Variants in SPOCK3 observed in about 807,000 individuals in gnomAD.
The protein encoded by SPOCK3 is SPARC (osteonectin), cwcv and kazal like domains proteoglycan 3, also known as testican-3.
A neutral mutation model predicts 56.6 loss-of-function variants in SPOCK3; 30 were observed. That is an observed-to-expected ratio of 0.53 (90% CI 0.40 to 0.72). The LOEUF is 0.72. Ranked by LOEUF, SPOCK3 falls within the 30% of genes least tolerant of loss-of-function variation. The pLI, the probability that SPOCK3 is intolerant of heterozygous loss-of-function variation, is 0.00. For missense variants in SPOCK3, 527 were observed against 530.0 expected, an observed-to-expected ratio of 0.99 and a Z score of 0.06; for synonymous variants, 196 against 183.3, an observed-to-expected ratio of 1.07 and a Z score of -0.56.
chr4:166,765,862 T>C (rs1292488252), intron 7 of SPOCK3, among the ~76,000 whole-genome samples: 2 of 152,236 alleles, frequency 1.3e-5, no homozygotes, highest in East Asian at 1.9e-4. Context: ...TTTTATTTTG[T>C]TGAGCAGTGG....
chr4:166,987,819 G>C (rs535819954), intron 4 of SPOCK3, among the ~76,000 whole-genome samples: 2 of 152,100 alleles, frequency 1.3e-5, no homozygotes, highest in Non-Finnish European at 2.9e-5. Context: ...TTTATAATGT[G>C]TGGTAGGTGG....
At chr4:167,097,705 C>G (rs1162895811) in intron 2 of SPOCK3, among the ~76,000 whole-genome samples, 7 of 151,440 alleles carry the variant, frequency 4.6e-5, no homozygotes, top group African/African-American at 1.7e-4. Context: ...GGGTATATAC[C>G]CAAAAGAAAA....
chr4:166,916,669 A>C (rs1225456786), intron 4 of SPOCK3, among the ~76,000 whole-genome samples: 1 of 151,982 alleles, frequency 6.6e-6, no homozygotes, highest in African/African-American at 2.4e-5. Flanking sequence ...ACCACAAAAA[A>C]CCCTCTCATT....
chr4:167,073,897 T>C (rs1414311065), intron 2 of SPOCK3, among the ~76,000 whole-genome samples: 1 of 151,872 alleles, frequency 6.6e-6, no homozygotes, highest in Non-Finnish European at 1.5e-5. Context: ...TATTATCTCT[T>C]TAAAATTATA....
At chr4:166,948,794 C>T (rs1022200330) in intron 4 of SPOCK3, among the ~76,000 whole-genome samples, 2 of 152,050 alleles carry the variant, frequency 1.3e-5, no homozygotes, top group South Asian at 4.1e-4. Context: ...TTCATTTCAA[C>T]TTTGGTGAAT....
At chr4:167,222,505 GAATATAT>G (rs1209750139) in intron 2 of SPOCK3, among the ~76,000 whole-genome samples, 2 of 135,818 alleles carry the variant, frequency 1.5e-5, no homozygotes, top group African/African-American at 2.7e-5. Flanking sequence ...ATGAATATAT[GAATATAT>G]AATATATAAC....
In SPOCK3 at chr4:167,057,353, C is replaced by T. The variant is rs558890149; in HGVS notation, c.235+5139G>A. 4.8e-3 allele frequency among the ~76,000 whole-genome samples: 736 copies of T among 152,226 alleles called. 8 individuals carry two copies. The highest frequency in any genetic ancestry group is 0.017 in the African/African-American group (687 of 41,518). On this transcript the variant is annotated intron_variant, in intron 3 of 10. Coordinates refer to ENST00000357545, the MANE Select transcript of SPOCK3 (RefSeq NM_001040159.2). The stretch of plus-strand genomic sequence containing the variant: ...AATCATGCCAAATTGTAAAGACCAT[C>T]GAGGCTAGGAAGAAACTGCATCAAC...
intron 2 of SPOCK3, among the ~76,000 whole-genome samples, chr4:167,131,883 G>GA (rs1468234551): frequency 6.6e-6 from 1 of 152,076 alleles, no homozygotes; most frequent in African/African-American, 2.4e-5. Context: ...CAAAACCTAA[G>GA]AAAAATCTGT....
At chr4:167,125,020 T>G (rs894248487) in intron 2 of SPOCK3, among the ~76,000 whole-genome samples, 15 of 152,130 alleles carry the variant, frequency 9.9e-5, no homozygotes, top group Admixed American at 5.2e-4. Context: ...TAGTGAAGTC[T>G]TTTCTTGTCA....
chr4:167,229,528 A>G (rs1561348807), intron 2 of SPOCK3, among the ~76,000 whole-genome samples: 1 of 152,118 alleles, frequency 6.6e-6, no homozygotes, highest in Non-Finnish European at 1.5e-5. Context: ...TCTGTAGCCC[A>G]CTAAGTTCCA....
At chr4:167,128,214 C>T (rs1762441039) in intron 2 of SPOCK3, among the ~76,000 whole-genome samples, 1 of 152,102 alleles carries the variant, frequency 6.6e-6, no homozygotes, top group Admixed American at 6.5e-5. Flanking sequence ...TCTTTCCTTA[C>T]ACCTCCTCTC....
intron 5 of SPOCK3, among the ~76,000 whole-genome samples, chr4:166,901,466 T>C (rs1357546776): frequency 2.6e-5 from 4 of 152,110 alleles, no homozygotes; most frequent in African/African-American, 9.7e-5. Flanking sequence ...GGTATGCAAT[T>C]AGAAAAGTTG....
intron 2 of SPOCK3, among the ~76,000 whole-genome samples, chr4:167,074,376 G>T (rs897224907): frequency 6.6e-5 from 10 of 151,914 alleles, no homozygotes; most frequent in Admixed American, 5.3e-4. Flanking sequence ...TGTCAACCAA[G>T]GCTGCCTACT....
In SPOCK3 at chr4:167,011,007, G is replaced by C. The variant is rs528672218; in HGVS notation, c.236-10544C>G. Among the ~76,000 whole-genome samples, 4 of 151,882 alleles carry C rather than the reference G, an allele frequency of 2.6e-5. No individual in the cohort carries two copies. In the East Asian group the frequency reaches 7.8e-4, roughly 30 times the overall value. ...AAACATTTAAAACAAATTACTCAAA[G>C]AAGAGCAAGAGATTTCATAACTTTT... is the stretch of plus-strand genomic sequence containing the variant. On this transcript the variant is annotated intron_variant, in intron 3 of 10. Coordinates refer to ENST00000357545, the MANE Select transcript of SPOCK3 (RefSeq NM_001040159.2).
At chr4:166,739,670 C>T (rs1457821244) in intron 9 of SPOCK3, among the ~76,000 whole-genome samples, 1 of 150,152 alleles carries the variant, frequency 6.7e-6, no homozygotes, top group Non-Finnish European at 1.5e-5. Context: ...AATATAAGTT[C>T]CAGGAGATAA....
intron 4 of SPOCK3, among the ~76,000 whole-genome samples, chr4:166,938,991 T>C (rs1440853323): frequency 6.6e-6 from 1 of 151,416 alleles, no homozygotes; most frequent in East Asian, 1.9e-4. Context: ...AGATTCTCTT[T>C]AAATCCTATG....
At chr4:166,908,629 C>A (rs915052216) in intron 5 of SPOCK3, among the ~76,000 whole-genome samples, 2 of 151,868 alleles carry the variant, frequency 1.3e-5, no homozygotes, top group Admixed American at 1.3e-4. Context: ...AGCACTGCAT[C>A]ACTAAATATG....
At chr4:166,997,791 T>G (rs367668315) in intron 4 of SPOCK3, among the ~76,000 whole-genome samples, 1 of 152,202 alleles carries the variant, frequency 6.6e-6, no homozygotes, top group Non-Finnish European at 1.5e-5. Context: ...AAAGTGTGTT[T>G]GAAAAACTGT....
chr4:167,227,906 T>C (rs898052185), intron 2 of SPOCK3, among the ~76,000 whole-genome samples: 3 of 152,082 alleles, frequency 2.0e-5, no homozygotes, highest in Non-Finnish European at 4.4e-5. Flanking sequence ...TTTGTATATC[T>C]AGATAAAAAG....
Sources: gnomAD v4.1 joint callset for allele counts (sites outside exome capture counted in the v4.1 genomes callset) on GRCh38, gnomAD v4.1.1 for gene constraint, MANE v1.5 for transcripts, NCBI Gene and HGNC (gene_info 2026-07-23, HGNC 2026-07-21) for gene names.